Variants in VAV3 observed in about 807,000 individuals in gnomAD.
VAV3 encodes the protein guanine nucleotide exchange factor VAV3.
Under a neutral mutation model 131.2 loss-of-function variants are expected in VAV3, and 94 were observed. The observed-to-expected ratio is 0.72, with a 90% confidence interval of 0.61 to 0.85. The LOEUF (loss-of-function observed/expected upper bound fraction) is 0.85, where lower values mean the gene tolerates loss of function less well. VAV3 is among the 40% of genes least tolerant of loss of function. The pLI is 0.00. For synonymous variants in VAV3, 349 were observed against 342.0 expected (o/e 1.02, Z -0.22); for missense variants, 939 against 1,002.7 (o/e 0.94, Z 0.86).
intron 2 of VAV3, among the ~76,000 whole-genome samples, chr1:107,819,555 G>A (rs996709940): frequency 6.6e-6 from 1 of 151,480 alleles, no homozygotes; most frequent in African/African-American, 2.4e-5. Context: ...ATGACAAAGT[G>A]TTAATATCTC....
At chr1:107,848,571 T>C (rs1669079797) in intron 2 of VAV3, among the ~76,000 whole-genome samples, 1 of 152,030 alleles carries the variant, frequency 6.6e-6, no homozygotes, top group Admixed American at 6.6e-5. Flanking sequence ...ATGGAACATA[T>C]CGCAAAATAA....
intron 19 of VAV3, among the ~76,000 whole-genome samples, chr1:107,672,655 C>G (rs1657904543): frequency 6.6e-6 from 1 of 151,928 alleles, no homozygotes; most frequent in South Asian, 2.1e-4. Flanking sequence ...CTCACACACA[C>G]ACATATATTC....
At chr1:107,909,065 A>C (rs1672247247) in intron 1 of VAV3, among the ~76,000 whole-genome samples, 1 of 152,214 alleles carries the variant, frequency 6.6e-6, no homozygotes, top group Non-Finnish European at 1.5e-5. Flanking sequence ...CAAATAACTG[A>C]AAGAAAAATA....
At chr1:107,645,097 A>C (rs11185155) in intron 19 of VAV3, among the ~76,000 whole-genome samples, 1 of 151,936 alleles carries the variant, frequency 6.6e-6, no homozygotes, top group African/African-American at 2.4e-5. Flanking sequence ...GCTTCATTTA[A>C]GAAGTTCACC....
intron 2 of VAV3, among the ~76,000 whole-genome samples, chr1:107,874,030 A>G (rs1411771689): frequency 6.6e-6 from 1 of 152,238 alleles, no homozygotes; most frequent in Non-Finnish European, 1.5e-5. Context: ...ACTCTCAAAC[A>G]GCCTTTTGAT....
chr1:107,811,675 CACCATAATA>C (rs1477674065), intron 2 of VAV3, among the ~76,000 whole-genome samples: 1 of 152,080 alleles, frequency 6.6e-6, no homozygotes, highest in African/African-American at 2.4e-5. Context: ...TATTATATAG[CACCATAATA>C]AACAAAAGTA....
At chr1:107,727,585 C>T (rs1353540155) in intron 15 of VAV3, among the ~76,000 whole-genome samples, 5 of 152,144 alleles carry the variant, frequency 3.3e-5, no homozygotes, top group East Asian at 3.8e-4. Context: ...TACTAATGAA[C>T]ATTTAAAATT....
intron 2 of VAV3, among the ~76,000 whole-genome samples, chr1:107,825,619 C>T (rs1324983690): frequency 6.6e-6 from 1 of 152,132 alleles, no homozygotes; most frequent in Non-Finnish European, 1.5e-5. Flanking sequence ...CTGGTCTACT[C>T]CCCTACCTGC....
At chr1:107,623,034 G>T (rs1459731201) in intron 20 of VAV3, among the ~76,000 whole-genome samples, 1 of 152,152 alleles carries the variant, frequency 6.6e-6, no homozygotes, top group East Asian at 1.9e-4. Context: ...TCAGAAACTA[G>T]CCTTTGGTAA....
chr1:107,769,689 A>C (rs2102176477), intron 6 of VAV3, among the ~76,000 whole-genome samples: 1 of 152,268 alleles, frequency 6.6e-6, no homozygotes, highest in East Asian at 1.9e-4. Context: ...TAGGTATCAC[A>C]AATTTCACTT....
At chr1:107,948,747 G>A (rs1410102597) in intron 1 of VAV3, among the ~76,000 whole-genome samples, 1 of 152,102 alleles carries the variant, frequency 6.6e-6, no homozygotes, top group African/African-American at 2.4e-5. Flanking sequence ...GGAGGAGGCT[G>A]AGGCAGAAGA....
chr1:107,698,289 C>T lies in VAV3; in HGVS notation c.1705+6261G>A, dbSNP rs570626091. On this transcript the variant is annotated intron_variant, in intron 17 of 26. Transcript: ENST00000370056. ...ATTTGAATTTTGATATTTTCCCGGG[C>T]GAGCAACATGCCCAATGAGACTCAC... Among the ~76,000 whole-genome samples, 125 of 152,224 alleles carry T rather than the reference C, an allele frequency of 8.2e-4. 1 individual carries two copies. The highest frequency in any genetic ancestry group is 2.9e-3 in the African/African-American group (121 of 41,522).
At chr1:107,674,607 A>T (rs1328558704) in intron 19 of VAV3, among the ~76,000 whole-genome samples, 3 of 152,156 alleles carry the variant, frequency 2.0e-5, no homozygotes, top group African/African-American at 7.2e-5. Context: ...TAAGGTCTCT[A>T]AAGCCAAATA....
chr1:107,621,889 T>C (rs1653635098), intron 20 of VAV3, among the ~76,000 whole-genome samples: 1 of 152,198 alleles, frequency 6.6e-6, no homozygotes, highest in Non-Finnish European at 1.5e-5. Context: ...ATCTCTGTAC[T>C]ATGTGATGAG....
intron 15 of VAV3, among the ~76,000 whole-genome samples, chr1:107,726,268 A>G (rs1661831666): frequency 6.6e-6 from 1 of 152,238 alleles, no homozygotes; most frequent in Non-Finnish European, 1.5e-5. Flanking sequence ...AATTGCTCAC[A>G]GAAGATAAAC....
At chr1:107,719,198 T>C (rs941335440) in intron 15 of VAV3, among the ~76,000 whole-genome samples, 6 of 152,242 alleles carry the variant, frequency 3.9e-5, no homozygotes, top group East Asian at 1.9e-4. Context: ...GAAGCCAAAA[T>C]AGACAAATGG....
chr1:107,662,251 G>A (rs1172770049), intron 19 of VAV3, among the ~76,000 whole-genome samples: 1 of 152,034 alleles, frequency 6.6e-6, no homozygotes, highest in African/African-American at 2.4e-5. Context: ...CTTCCTCCGA[G>A]TGATTAAAAT....
intron 2 of VAV3, among the ~76,000 whole-genome samples, chr1:107,795,343 C>T (rs184419998): frequency 4.8e-4 from 73 of 152,298 alleles, no homozygotes; most frequent in African/African-American, 1.2e-3. Context: ...ATCCTCGGTG[C>T]TATATAAAAA....
chr1:107,654,165 T>A (rs1262344977), intron 19 of VAV3, among the ~76,000 whole-genome samples: 1 of 151,954 alleles, frequency 6.6e-6, no homozygotes, highest in Non-Finnish European at 1.5e-5. Flanking sequence ...GAAAAATAAG[T>A]TTAGATTAGA....
Sources: gnomAD v4.1 joint callset for allele counts (sites outside exome capture counted in the v4.1 genomes callset) on GRCh38, gnomAD v4.1.1 for gene constraint, MANE v1.5 for transcripts, NCBI Gene and HGNC (gene_info 2026-07-23, HGNC 2026-07-21) for gene names.